Variants in SMG7 observed in about 807,000 individuals in gnomAD.
SMG7 encodes the protein SMG7 nonsense mediated mRNA decay factor.
A neutral mutation model predicts 148.2 loss-of-function variants in SMG7; 34 were observed. That is an observed-to-expected ratio of 0.23 (90% CI 0.17 to 0.31). The LOEUF is 0.31. Ranked by LOEUF, SMG7 falls within the 10% of genes least tolerant of loss-of-function variation. The pLI is 1.00. For synonymous variants in SMG7, 492 were observed against 515.1 expected (o/e 0.96, Z 0.61); for missense variants, 1,114 against 1,408.4 (o/e 0.79, Z 3.35).
chr1:183,480,212 T>A (rs1653720767), intron 1 of SMG7, among the ~76,000 whole-genome samples: 1 of 152,154 alleles, frequency 6.6e-6, no homozygotes, highest in Non-Finnish European at 1.5e-5. Flanking sequence ...TTTTAAATTA[T>A]TCCCTTTACC....
chr1:183,502,519 A>G lies in SMG7; in HGVS notation c.30-10318A>G. 1.2e-5 allele frequency: 8 copies of G among 660,002 alleles called. No individual in the cohort carries two copies. In the South Asian group the frequency reaches 2.4e-4, roughly 20 times the overall value. 40.9% of individuals were successfully genotyped at this position (660,002 alleles called of 1,614,324 possible). The stretch of plus-strand genomic sequence containing the variant: ...ACATTTGATTTTGGCCAAGATCGGG[A>G]TGGGGCATGCTAAAGTTTTATTATT... On this transcript the variant is annotated intron_variant, in intron 1 of 22. Transcript: ENST00000688051.
chr1:183,547,314 T>C (rs1558066176), intron 18 of SMG7, 62 bp downstream of exon 18: 1 of 1,386,792 alleles, frequency 7.2e-7, no homozygotes. Context: ...TGAGATACTG[T>C]AGTACACAGA....
rs1356189666 is a variant in SMG7 at position 183,522,804 on chromosome 1, G to A, written c.313-3792G>A. On this transcript the variant is annotated intron_variant, in intron 4 of 22. Coordinates refer to ENST00000688051, the MANE Select transcript of SMG7 (RefSeq NM_001375584.1). Reference sequence around the variant, plus strand: ...TTGTTTTTTTTTTTTAAAGACAGGCGCTCACTCTATCATTTTGGCTGAGTA... The same window carrying A: ...TTGTTTTTTTTTTTTAAAGACAGGCACTCACTCTATCATTTTGGCTGAGTA... Among the ~76,000 whole-genome samples the A allele has an allele frequency of 7.9e-5, 12 of 151,016 alleles. 1 individual carries two copies. The highest frequency in any genetic ancestry group is 2.0e-4 in the Admixed American group (3 of 15,180).
chr1:183,549,280 C>G lies in SMG7; in HGVS notation c.2965C>G (p.Leu989Val), dbSNP rs1213556526. ...SSFLSLTGFS[L>V]NQERYPNNSM... ...TTTCCTGTCCCTCACCGGATTCTCT[C>G]TCAATCAGGTAGGTGAACAATGAAG... The change falls in exon 19 of 23, where the codon CTC (leucine) becomes GTC (valine). Residue 989 changes from leucine to valine, a missense_variant. Leu to Val is a conservative substitution (Grantham distance 32, BLOSUM62 1). Transcript: ENST00000688051. 2 of 1,609,614 alleles carry G rather than the reference C, an allele frequency of 1.2e-6. No homozygotes were observed. Among genetic ancestry groups the G allele is most frequent in the Middle Eastern group, 1.7e-4 (1 of 6,054 alleles).
In SMG7 at chr1:183,547,108, C is replaced by T; in HGVS notation, c.2748C>T (p.Pro916=). The T allele has an allele frequency of 6.5e-7, 1 of 1,549,532 alleles. No homozygotes were observed. The highest frequency in any genetic ancestry group is 8.7e-7 in the Non-Finnish European group (1 of 1,146,478). ...GTGATGCTTTCTGTCACTAGGACCC[C>T]AAGAGCTCCCCTCTGCTTCCTCCGG... ...DPVPRMPFED[P]KSSPLLPPDL... The change falls in exon 18 of 23, where the codon CCC becomes CCT. Residue 916 remains proline (P), a synonymous_variant. Coordinates refer to ENST00000688051, the MANE Select transcript of SMG7 (RefSeq NM_001375584.1).
At chr1:183,548,320 G>GTT (rs1428398427) in intron 18 of SMG7, among the ~76,000 whole-genome samples, 1 of 152,166 alleles carries the variant, frequency 6.6e-6, no homozygotes, top group Non-Finnish European at 1.5e-5. Flanking sequence ...CTGCTATACT[G>GTT]TTGCCTCTCT....
At chr1:183,477,199 C>G (rs112278369) in intron 1 of SMG7, among the ~76,000 whole-genome samples, 3 of 152,124 alleles carry the variant, frequency 2.0e-5, no homozygotes, top group Non-Finnish European at 4.4e-5. Context: ...CAGGTGCCAC[C>G]GAATGACTTC....
chr1:183,480,329 G>A (rs529195680), intron 1 of SMG7, among the ~76,000 whole-genome samples: 54 of 151,974 alleles, frequency 3.6e-4, no homozygotes, highest in Middle Eastern at 3.4e-3. Context: ...ATGGCCAAGC[G>A]TTTCAAGTTT....
At chr1:183,508,970 A>G (rs986243307) in intron 1 of SMG7, among the ~76,000 whole-genome samples, 1 of 152,180 alleles carries the variant, frequency 6.6e-6, no homozygotes, top group African/African-American at 2.4e-5. Context: ...AACTTAAAGA[A>G]GTTTTACTTT....
At position 183,552,390 on chromosome 1, in the gene SMG7, C is replaced by G; in HGVS notation, c.*459C>G. 3 of 989,610 alleles carry G rather than the reference C, an allele frequency of 3.0e-6. No individual in the cohort carries two copies. The highest frequency in any genetic ancestry group is 3.6e-6 in the Non-Finnish European group (3 of 832,436). 61.3% of individuals were successfully genotyped at this position (989,610 alleles called of 1,614,324 possible). On this transcript the variant is annotated 3_prime_UTR_variant, in exon 23 of 23. Transcript: ENST00000688051. Reference sequence around the variant, plus strand: ...TGTAGTTGAAATTATTCTTAAACATCTTTTATTATTATTACTCTCAGTAGT... The same window carrying G: ...TGTAGTTGAAATTATTCTTAAACATGTTTTATTATTATTACTCTCAGTAGT...
At chr1:183,533,353 C>G in intron 9 of SMG7, 27 bp downstream of exon 9, 1 of 1,596,174 alleles carries the variant, frequency 6.3e-7, no homozygotes, top group Non-Finnish European at 8.5e-7. Context: ...TTAACATGTG[C>G]CATCTTTTTT....
intron 1 of SMG7, among the ~76,000 whole-genome samples, chr1:183,480,191 T>C (rs1653716214): frequency 6.6e-6 from 1 of 152,158 alleles, no homozygotes; most frequent in Admixed American, 6.5e-5. Context: ...TTCACTTGTG[T>C]CGCTCTCTTC....
intron 1 of SMG7, among the ~76,000 whole-genome samples, chr1:183,477,914 A>G (rs1653074988): frequency 1.3e-5 from 2 of 152,174 alleles, no homozygotes; most frequent in South Asian, 2.1e-4. Context: ...TGTTACTAAT[A>G]TAACAGCCAC....
intron 12 of SMG7, among the ~76,000 whole-genome samples, chr1:183,540,163 A>G (rs903834714): frequency 6.6e-6 from 1 of 151,992 alleles, no homozygotes; most frequent in East Asian, 1.9e-4. Context: ...CTTCTCCTCT[A>G]CTGCCCTTCC....
chr1:183,544,335 T>C lies in SMG7; in HGVS notation c.1843-18T>C. 6 of 1,609,700 alleles carry C rather than the reference T, an allele frequency of 3.7e-6. No homozygotes were observed. Among genetic ancestry groups the C allele is most frequent in the Non-Finnish European group, 5.1e-6 (6 of 1,176,218 alleles). On this transcript the variant is annotated intron_variant, in intron 14 of 22. Coordinates refer to ENST00000688051, the MANE Select transcript of SMG7 (RefSeq NM_001375584.1). ...AGTTTCAATTTATTATAGATAGTTT[T>C]GCTTCTATTGGTTACAGGTAAAATC...
At position 183,545,083 on chromosome 1, in the gene SMG7, C is replaced by G. The variant is rs1401429031; in HGVS notation, c.2141C>G (p.Ser714Cys). 1 of 1,613,992 alleles carries G rather than the reference C, an allele frequency of 6.2e-7. No homozygotes were observed. The highest frequency in any genetic ancestry group is 1.1e-5 in the South Asian group (1 of 91,086). Residue 714 changes from serine (S) to cysteine (C), a missense_variant, in exon 16 of 23, where the codon TCC (serine) becomes TGC (cysteine). Around this residue, in one of 4 missense-constraint regions of SMG7, gnomAD observed 788 missense variants for 894.5 expected, o/e 0.88. Coordinates refer to ENST00000688051, the MANE Select transcript of SMG7 (RefSeq NM_001375584.1). Reference sequence around the variant, plus strand: ...AACCAGGTGCAAGCTGGGAAACAGTCCCACATTCCTTACAGCCAGCAACGG... The same window carrying G: ...AACCAGGTGCAAGCTGGGAAACAGTGCCACATTCCTTACAGCCAGCAACGG... ...AGNQVQAGKQSHIPYSQQRPS... is the reference protein window; with the variant it reads ...AGNQVQAGKQCHIPYSQQRPS...
At chr1:183,528,051 A>G in intron 6 of SMG7, 24 bp downstream of exon 6, 2 of 1,571,112 alleles carry the variant, frequency 1.3e-6, no homozygotes, top group Non-Finnish European at 8.7e-7. Context: ...TCAACCTGAG[A>G]TTGACCGTGA....
intron 4 of SMG7, among the ~76,000 whole-genome samples, chr1:183,523,494 A>G (rs1048316250): frequency 1.3e-5 from 2 of 152,250 alleles, no homozygotes; most frequent in Non-Finnish European, 1.5e-5. Flanking sequence ...CTCCCAGTCA[A>G]TACTTCTGTA....
At chr1:183,504,321 C>CTTGA (rs1553238964) in intron 1 of SMG7, among the ~76,000 whole-genome samples, 4 of 148,036 alleles carry the variant, frequency 2.7e-5, no homozygotes, top group African/African-American at 5.0e-5. Flanking sequence ...CTGTTGATAT[C>CTTGA]TTGATTTATT....
Sources: allele counts gnomAD v4.1 joint callset (sites outside exome capture counted in the v4.1 genomes callset), GRCh38; gene constraint gnomAD v4.1.1; regional missense constraint gnomAD v4.1.1; transcripts MANE v1.5; gene names NCBI Gene and HGNC (gene_info 2026-07-23, HGNC 2026-07-21).